HDAC9: variants seen among roughly 807,000 people sequenced by gnomAD.
HDAC9 encodes MEF-2 interacting transcription repressor (MITR) protein.
HDAC9 carries 41 observed loss-of-function variants against 139.4 expected under a neutral mutation model. The ratio of observed to expected loss-of-function variants is 0.29; its 90% CI spans 0.23 to 0.38. The LOEUF (loss-of-function observed/expected upper bound fraction) is 0.38. Ranked by LOEUF, HDAC9 falls within the 10% of genes least tolerant of loss-of-function variation. The pLI, the probability that HDAC9 is intolerant of heterozygous loss-of-function variation, is 1.00. For missense variants in HDAC9, 1,147 were observed against 1,297.0 expected, an observed-to-expected ratio of 0.88 and a Z score of 1.78; for synonymous variants, 517 against 476.2, an observed-to-expected ratio of 1.09 and a Z score of -1.12.
intron 11 of HDAC9, among the ~76,000 whole-genome samples, chr7:18,662,771 C>T (rs549388692): frequency 2.2e-4 from 33 of 151,940 alleles, no homozygotes; most frequent in East Asian, 9.7e-4. Flanking sequence ...TAGTACGAGA[C>T]GGTGAAAGTA....
At chr7:18,920,310 A>G (rs563750245) in intron 22 of HDAC9, among the ~76,000 whole-genome samples, 2 of 152,252 alleles carry the variant, frequency 1.3e-5, no homozygotes, top group South Asian at 2.1e-4. Flanking sequence ...TTGTTGGTGT[A>G]TAAGAATGCT....
At chr7:18,701,129 C>G (rs1013135264) in intron 12 of HDAC9, among the ~76,000 whole-genome samples, 2 of 149,146 alleles carry the variant, frequency 1.3e-5, no homozygotes, top group African/African-American at 2.5e-5. Context: ...ATCAATAAAC[C>G]TGAATACATA....
intron 1 of HDAC9, 50 bp downstream of exon 1, chr7:18,496,073 T>G: frequency 7.0e-7 from 1 of 1,425,794 alleles, no homozygotes; most frequent in Non-Finnish European, 9.2e-7. Context: ...TGGATGCCCA[T>G]TTGAGCAGAA....
intron 2 of HDAC9, among the ~76,000 whole-genome samples, chr7:18,180,342 T>C (rs1036381985): frequency 2.0e-5 from 3 of 152,268 alleles, no homozygotes; most frequent in Admixed American, 6.5e-5. Flanking sequence ...AAATGTTTGC[T>C]CTGTGTTTCT....
At chr7:18,383,236 A>T (rs1425055256) in intron 1 of HDAC9, among the ~76,000 whole-genome samples, 1 of 152,210 alleles carries the variant, frequency 6.6e-6, no homozygotes, top group Non-Finnish European at 1.5e-5. Flanking sequence ...TAGAAAACCC[A>T]GAAATCGATG....
chr7:18,324,835 G>A (rs1243342666), intron 1 of HDAC9, among the ~76,000 whole-genome samples: 1 of 152,096 alleles, frequency 6.6e-6, no homozygotes, highest in Non-Finnish European at 1.5e-5. Flanking sequence ...ATAATGCAGG[G>A]TATAATGTGA....
At chr7:18,171,578 G>A (rs1788448588) in intron 2 of HDAC9, among the ~76,000 whole-genome samples, 1 of 152,114 alleles carries the variant, frequency 6.6e-6, no homozygotes, top group African/African-American at 2.4e-5. Flanking sequence ...TATTGGCTGT[G>A]GGTTTGTCAT....
intron 2 of HDAC9, among the ~76,000 whole-genome samples, chr7:18,504,429 C>A (rs1563076816): frequency 1.3e-5 from 2 of 152,136 alleles, no homozygotes; most frequent in Non-Finnish European, 2.9e-5. Context: ...CTCAGCCTCC[C>A]AAGTAGCTGG....
intron 24 of HDAC9, among the ~76,000 whole-genome samples, chr7:18,970,537 G>C (rs1412315878): frequency 2.0e-5 from 3 of 151,886 alleles, no homozygotes; most frequent in African/African-American, 4.8e-5. Context: ...AAATTACCTG[G>C]TCACTCAATT....
intron 17 of HDAC9, among the ~76,000 whole-genome samples, chr7:18,798,558 A>G (rs1562949700): frequency 6.6e-6 from 1 of 152,154 alleles, no homozygotes; most frequent in Non-Finnish European, 1.5e-5. Context: ...GGGAGTGGAT[A>G]ATGGAATTGG....
intron 17 of HDAC9, among the ~76,000 whole-genome samples, chr7:18,814,753 G>A (rs1054694184): frequency 1.3e-5 from 2 of 152,058 alleles, no homozygotes; most frequent in African/African-American, 4.8e-5. Context: ...TTACTTGTTG[G>A]TAGCTATTCT....
At chr7:18,362,509 G>T (rs754695664) in intron 1 of HDAC9, among the ~76,000 whole-genome samples, 1 of 151,998 alleles carries the variant, frequency 6.6e-6, no homozygotes, top group Non-Finnish European at 1.5e-5. Context: ...AAAATAAATA[G>T]GTATATGGTA....
chr7:18,491,674 T>C (rs1463707534), upstream of HDAC9, among the ~76,000 whole-genome samples: 2 of 152,028 alleles, frequency 1.3e-5, no homozygotes, highest in Non-Finnish European at 2.9e-5. Context: ...GTACTGCTTA[T>C]ATGCAAAGTC....
chr7:18,901,211 T>C (rs1056631140), intron 22 of HDAC9, among the ~76,000 whole-genome samples: 1 of 127,208 alleles, frequency 7.9e-6, no homozygotes, highest in African/African-American at 3.4e-5. Flanking sequence ...TATATACATA[T>C]ATATATATAT....
chr7:18,801,364 G>A (rs1481701014), intron 17 of HDAC9, among the ~76,000 whole-genome samples: 1 of 151,934 alleles, frequency 6.6e-6, no homozygotes, highest in Non-Finnish European at 1.5e-5. Context: ...ATTATGAAGT[G>A]AATTCTATTT....
intron 1 of HDAC9, among the ~76,000 whole-genome samples, chr7:18,107,191 A>G (rs947796424): frequency 2.6e-5 from 4 of 152,088 alleles, no homozygotes; most frequent in African/African-American, 4.8e-5. Context: ...GCGCTTCCCA[A>G]ATACTCTGGG....
At chr7:18,776,474 A>C (rs561255075) in intron 16 of HDAC9, among the ~76,000 whole-genome samples, 1 of 152,236 alleles carries the variant, frequency 6.6e-6, no homozygotes, top group East Asian at 1.9e-4. Context: ...TGCCTATTGT[A>C]TGCCTGGAAC....
At chr7:18,308,924 T>C (rs1290320872) in intron 1 of HDAC9, among the ~76,000 whole-genome samples, 1 of 152,180 alleles carries the variant, frequency 6.6e-6, no homozygotes, top group Non-Finnish European at 1.5e-5. Context: ...TGCATAGATG[T>C]AGAAACAGGT....
At chr7:18,445,616 G>A (rs897348629) in intron 1 of HDAC9, among the ~76,000 whole-genome samples, 5 of 152,140 alleles carry the variant, frequency 3.3e-5, no homozygotes, top group Non-Finnish European at 7.4e-5. Context: ...GTTAAACCCA[G>A]TACTGTTTAT....
Sources: allele counts gnomAD v4.1 joint callset (sites outside exome capture counted in the v4.1 genomes callset), GRCh38; gene constraint gnomAD v4.1.1; transcripts MANE v1.5; gene names NCBI Gene and HGNC (gene_info 2026-07-23, HGNC 2026-07-21).